Variants in GRIA1 observed in about 807,000 individuals in gnomAD.
GRIA1 encodes the protein glutamate receptor 1.
Under a neutral mutation model 99.2 loss-of-function variants are expected in GRIA1, and 31 were observed. The ratio of observed to expected loss-of-function variants is 0.31; its 90% CI spans 0.23 to 0.42. The LOEUF is 0.42. Among genes scored for constraint, GRIA1 ranks in the 10% least tolerant of loss-of-function variants. The pLI is 1.00. For synonymous variants in GRIA1, 438 were observed against 432.4 expected, an observed-to-expected ratio of 1.01 and a Z score of -0.16; for missense variants, 782 against 1,157.5, an observed-to-expected ratio of 0.68 and a Z score of 4.71.
chr5:153,607,748 A>G (rs1001094792), intron 2 of GRIA1, among the ~76,000 whole-genome samples: 7 of 152,030 alleles, frequency 4.6e-5, no homozygotes, highest in Admixed American at 2.0e-4. Context: ...TGTACATGTT[A>G]TTATTGTTGC....
intron 13 of GRIA1, among the ~76,000 whole-genome samples, chr5:153,777,110 T>C (rs2926849): frequency 0.6 from 90,856 of 152,036 alleles, 27,900 homozygotes; most frequent in East Asian, 0.94. Context: ...TAAAATGCCC[T>C]TTCCTAGACT....
At chr5:153,541,928 CAAAAAAAAAAAA>C (rs57442019) in intron 2 of GRIA1, among the ~76,000 whole-genome samples, 10,706 of 97,558 alleles carry the variant, frequency 0.11, 1,193 homozygotes, top group African/African-American at 0.3. Flanking sequence ...GATCCTGTTT[CAAAAAAAAAAAA>C]AAAAAAAAAA....
chr5:153,639,081 T>C (rs2149444593), intron 2 of GRIA1, among the ~76,000 whole-genome samples: 1 of 152,324 alleles, frequency 6.6e-6, no homozygotes, highest in South Asian at 2.1e-4. Context: ...TGTCGTGCCA[T>C]TACACTTAAG....
chr5:153,791,950 ATGT>A (rs1765330275), intron 13 of GRIA1, among the ~76,000 whole-genome samples: 1 of 152,134 alleles, frequency 6.6e-6, no homozygotes. Flanking sequence ...GCTGTAATAA[ATGT>A]TGTACTCCCA....
chr5:153,791,187 C>T (rs1263947184), intron 13 of GRIA1, among the ~76,000 whole-genome samples: 2 of 151,072 alleles, frequency 1.3e-5, no homozygotes, highest in African/African-American at 4.9e-5. Flanking sequence ...TGTATCCTAG[C>T]ACTTTGGGAG....
At chr5:153,717,008 C>T (rs539751053) in intron 11 of GRIA1, among the ~76,000 whole-genome samples, 4 of 152,298 alleles carry the variant, frequency 2.6e-5, no homozygotes, top group Admixed American at 6.5e-5. Context: ...GCCAAAGGAA[C>T]AGGAAGCGGC....
intron 2 of GRIA1, among the ~76,000 whole-genome samples, chr5:153,637,611 G>A (rs947973158): frequency 3.3e-5 from 5 of 152,240 alleles, no homozygotes; most frequent in Non-Finnish European, 5.9e-5. Context: ...TTCTGTAATG[G>A]GATGTAAATC....
In GRIA1 at chr5:153,641,060, G is replaced by A. The variant is rs993672498; in HGVS notation, c.221-5868G>A. On this transcript the variant is annotated intron_variant, in intron 2 of 15. Coordinates refer to ENST00000285900, the MANE Select transcript of GRIA1 (RefSeq NM_000827.4). ...GAAGCACATCCCTTGATGTTACAAC[G>A]TTAGAGTAAGATGATGAAGAATGTG... Among the ~76,000 whole-genome samples the A allele has an allele frequency of 3.3e-5, 5 of 152,076 alleles. No homozygotes were observed. The East Asian group carries it at 5.8e-4, about 18-fold the overall frequency.
chr5:153,537,056 G>T (rs1758644423), intron 2 of GRIA1, among the ~76,000 whole-genome samples: 1 of 152,170 alleles, frequency 6.6e-6, no homozygotes, highest in South Asian at 2.1e-4. Context: ...AGGCCTAGTT[G>T]GTGGCCAGGG....
intron 11 of GRIA1, among the ~76,000 whole-genome samples, chr5:153,762,247 T>C (rs753859084): frequency 2.0e-5 from 3 of 152,214 alleles, no homozygotes; most frequent in Non-Finnish European, 4.4e-5. Flanking sequence ...ATATAATGTA[T>C]ACATATATCA....
intron 6 of GRIA1, among the ~76,000 whole-genome samples, chr5:153,676,149 G>C (rs539578439): frequency 6.6e-6 from 1 of 152,098 alleles, no homozygotes; most frequent in African/African-American, 2.4e-5. Flanking sequence ...GAGCCACTGC[G>C]CCCGGCATGT....
At chr5:153,559,696 C>A (rs905492329) in intron 2 of GRIA1, among the ~76,000 whole-genome samples, 42 of 152,076 alleles carry the variant, frequency 2.8e-4, no homozygotes, top group African/African-American at 9.9e-4. Flanking sequence ...ATTACCATGG[C>A]AGAGATATTA....
intron 11 of GRIA1, among the ~76,000 whole-genome samples, chr5:153,746,792 A>C (rs953623213): frequency 6.6e-6 from 1 of 152,198 alleles, no homozygotes. Context: ...AAATGGGAGG[A>C]AGTCCCATTT....
At chr5:153,584,094 A>G (rs1763267820) in intron 2 of GRIA1, among the ~76,000 whole-genome samples, 2 of 152,120 alleles carry the variant, frequency 1.3e-5, no homozygotes, top group Non-Finnish European at 2.9e-5. Context: ...TCCATCCCAA[A>G]GGATATGGTT....
chr5:153,744,059 G>A (rs557543599), intron 11 of GRIA1, among the ~76,000 whole-genome samples: 1 of 152,134 alleles, frequency 6.6e-6, no homozygotes, highest in East Asian at 1.9e-4. Flanking sequence ...TGAGGATGAA[G>A]TTGAAGGTTC....
chr5:153,603,868 T>A (rs1370729762), intron 2 of GRIA1, among the ~76,000 whole-genome samples: 3 of 152,176 alleles, frequency 2.0e-5, no homozygotes, highest in Non-Finnish European at 4.4e-5. Flanking sequence ...ACCACAGGGA[T>A]GTTGTGATGA....
intron 14 of GRIA1, among the ~76,000 whole-genome samples, chr5:153,797,323 A>G (rs910380519): frequency 6.6e-6 from 1 of 152,226 alleles, no homozygotes; most frequent in Non-Finnish European, 1.5e-5. Context: ...TCCATATCAG[A>G]GACTGAATGT....
chr5:153,638,770 A>G (rs1368408970), intron 2 of GRIA1, among the ~76,000 whole-genome samples: 2 of 152,262 alleles, frequency 1.3e-5, no homozygotes, highest in African/African-American at 4.8e-5. Context: ...TGGGTGTTAG[A>G]TAAAAAATTG....
intron 2 of GRIA1, among the ~76,000 whole-genome samples, chr5:153,570,278 G>A (rs1284105695): frequency 6.6e-6 from 1 of 152,074 alleles, no homozygotes; most frequent in East Asian, 1.9e-4. Flanking sequence ...ATCTGGGAGA[G>A]AAATAATAAA....
Sources: allele counts gnomAD v4.1 joint callset (sites outside exome capture counted in the v4.1 genomes callset), GRCh38; gene constraint gnomAD v4.1.1; transcripts MANE v1.5; gene names NCBI Gene and HGNC (gene_info 2026-07-23, HGNC 2026-07-21).